Variants in CD163L1 observed in about 807,000 individuals in gnomAD.
CD163L1 encodes the protein scavenger receptor cysteine-rich type 1 protein M160.
A neutral mutation model predicts 165.4 loss-of-function variants in CD163L1; 124 were observed. The observed-to-expected ratio is 0.75, with a 90% CI of 0.65 to 0.87. CD163L1 has a LOEUF of 0.87. CD163L1 is among the 40% of genes least tolerant of loss of function. The pLI is 0.00. For missense variants in CD163L1, 1,525 were observed against 1,799.9 expected, an observed-to-expected ratio of 0.85 and a Z score of 2.76; for synonymous variants, 585 against 662.2, an observed-to-expected ratio of 0.88 and a Z score of 1.79.
intron 4 of CD163L1, among the ~76,000 whole-genome samples, chr12:7,411,707 T>G (rs1361587325): frequency 2.6e-5 from 4 of 152,234 alleles, no homozygotes; most frequent in South Asian, 2.1e-4. Flanking sequence ...ACCACTTTTC[T>G]TTATAAATTA....
At chr12:7,331,993 G>A in the CD163L1 span, among the ~76,000 whole-genome samples, 2 of 152,126 alleles carry the variant, frequency 1.3e-5, no homozygotes, top group South Asian at 2.1e-4. Flanking sequence ...CTGAGCTAAA[G>A]GAGGAAGTTC....
chr12:7,403,556 C>T lies in CD163L1; in HGVS notation c.1387G>A (p.Asp463Asn), dbSNP rs1947953525. Residue 463 changes from aspartate (D) to asparagine (N), a missense_variant, in exon 6 of 20, where the codon GAT becomes AAT. Transcript: ENST00000313599. ...KAKRTCFRRS[D>N]AGVICSDKAD... Reference sequence around the variant, plus strand: ...TTACCAGAACAAATTACTCCAGCATCTGATCTTCGGAAGCATGTTCGCTTT... The same window carrying T: ...TTACCAGAACAAATTACTCCAGCATTTGATCTTCGGAAGCATGTTCGCTTT... 2 of 1,613,274 alleles carry T rather than the reference C, an allele frequency of 1.2e-6. No individual in the cohort carries two copies. The highest frequency in any genetic ancestry group is 1.7e-6 in the Non-Finnish European group (2 of 1,179,580).
chr12:7,322,575 T>TG, the CD163L1 span: 16 of 1,576,548 alleles, frequency 1.0e-5, no homozygotes, highest in Non-Finnish European at 1.4e-5. Flanking sequence ...TTAGTATATG[T>TG]GGGGGCCTTT....
chr12:7,389,266 T>A (rs1428408589), intron 8 of CD163L1, among the ~76,000 whole-genome samples: 1 of 152,238 alleles, frequency 6.6e-6, no homozygotes, highest in East Asian at 1.9e-4. Context: ...CACCAACATT[T>A]GTTATTGCCT....
At chr12:7,373,686 T>G (rs2136424827) in intron 13 of CD163L1, 46 bp from the exon 14 acceptor site, 2 of 1,488,690 alleles carry the variant, frequency 1.3e-6, no homozygotes, top group East Asian at 2.3e-5. Flanking sequence ...CCTTTGGAGT[T>G]GGAAAATCCC....
At position 7,368,109 on chromosome 12, in the gene CD163L1, T is replaced by A. The variant is rs755628141; in HGVS notation, c.4161A>T (p.Lys1387Asn). 1 of 1,609,492 alleles carries A rather than the reference T, an allele frequency of 6.2e-7. No individual in the cohort carries two copies. The highest frequency in any genetic ancestry group is 1.7e-5 in the Admixed American group (1 of 60,012). Residue 1387 changes from lysine to asparagine, a missense_variant, in exon 17 of 20, where the codon AAA (lysine) becomes AAT (asparagine). Lys to Asn is a moderately conservative substitution (Grantham distance 94). Coordinates refer to ENST00000313599, the MANE Select transcript of CD163L1 (RefSeq NM_174941.6). This position sits in a 1 kb window ranked among gnomAD's most constrained non-coding sequence, Gnocchi z 4.3. Reference sequence around the variant, plus strand: ...CACCTCTGAGGGGCAGATGTTTTTGTTTCTGAACTCGGCACCACGTGAGAA... The same window carrying A: ...CACCTCTGAGGGGCAGATGTTTTTGATTCTGAACTCGGCACCACGTGAGAA... ...ILFLTWCRVQ[K>N]QKHLPLRVST...
intron 2 of CD163L1, among the ~76,000 whole-genome samples, chr12:7,440,294 G>C (rs1482899946): frequency 1.3e-5 from 2 of 151,600 alleles, no homozygotes; most frequent in Non-Finnish European, 2.9e-5. Context: ...AGGGCGGACT[G>C]CGCAGTGCCG....
At chr12:7,324,598 G>C in the CD163L1 span, 1 of 1,613,726 alleles carries the variant, frequency 6.2e-7, no homozygotes, top group Non-Finnish European at 8.5e-7. Flanking sequence ...TCCGCGGAGA[G>C]GTAGATGAAT....
intron 4 of CD163L1, among the ~76,000 whole-genome samples, chr12:7,349,646 G>A (rs1333939630): frequency 1.3e-5 from 2 of 152,164 alleles, no homozygotes; most frequent in Non-Finnish European, 2.9e-5. Flanking sequence ...CATGTGGAGC[G>A]AGCGGGCAGA....
chr12:7,410,462 T>G (rs1400360254), intron 4 of CD163L1, among the ~76,000 whole-genome samples: 2 of 151,948 alleles, frequency 1.3e-5, no homozygotes, highest in Admixed American at 1.3e-4. Context: ...AAACATCAGC[T>G]GGGCATGGTG....
chr12:7,380,344 T>TACATGTATGTGTGTATACGCGTATACAC (rs1565784203), intron 8 of CD163L1, among the ~76,000 whole-genome samples: 12 of 141,556 alleles, frequency 8.5e-5, no homozygotes, highest in Non-Finnish European at 1.6e-4. Context: ...CACGTATACA[T>TACATGTATGTGTGTATACGCGTATACAC]ACATGTATGT....
In CD163L1 at chr12:7,380,362, C is replaced by T. The variant is rs59831241; in HGVS notation, c.2051-1064G>A. ...GTATACATACATGTATGTGTGTATACGCGTATACATACATGTATGTGTGTA... is the reference window on the plus strand; with the variant it reads ...GTATACATACATGTATGTGTGTATATGCGTATACATACATGTATGTGTGTA... On this transcript the variant is annotated intron_variant, in intron 8 of 19. Transcript: ENST00000313599. 1.1e-4 allele frequency among the ~76,000 whole-genome samples: 16 copies of T among 146,186 alleles called. 1 individual carries two copies. Among genetic ancestry groups the T allele is most frequent in the Admixed American group, 6.0e-4 (9 of 14,992 alleles).
At chr12:7,378,444 T>C (rs1947316870) in intron 9 of CD163L1, among the ~76,000 whole-genome samples, 1 of 152,212 alleles carries the variant, frequency 6.6e-6, no homozygotes, top group Non-Finnish European at 1.5e-5. Flanking sequence ...TCATTCACTT[T>C]AGAATAAAGT....
rs111793952 is a variant in CD163L1 at position 7,347,692 on chromosome 12, C to T, written c.*25-545G>A. Among the ~76,000 whole-genome samples, 4,566 of 152,064 alleles carry T rather than the reference C, an allele frequency of 0.03. 236 individuals are homozygous for T. The highest frequency in any genetic ancestry group is 0.1 in the African/African-American group (4,323 of 41,458). On this transcript the variant is annotated intron_variant, in intron 4 of 4. Transcript: ENST00000539726. This position sits in a 1 kb window ranked among gnomAD's most constrained non-coding sequence, Gnocchi z 4.2. ...GCTGAGGCAGGAGAATGGCGTGAACCTGGGAGGCGGAGCTTGCAGTGAACC... is the reference window on the plus strand; with the variant it reads ...GCTGAGGCAGGAGAATGGCGTGAACTTGGGAGGCGGAGCTTGCAGTGAACC...
chr12:7,437,291 ATTACTT>A (rs1470770338), intron 2 of CD163L1, among the ~76,000 whole-genome samples: 3 of 6,690 alleles, frequency 4.5e-4, no homozygotes, highest in Non-Finnish European at 2.2e-3. Context: ...TTTTAATAGT[ATTACTT>A]TTATTTTATT....
chr12:7,398,338 A>G lies in CD163L1; in HGVS notation c.1655T>C (p.Ile552Thr). ...CCATCCACTGTGTTCACAGTCCCAG[A>G]TATTTGACTCATTTCCAATGCAAGA... ...DVSCIGNESN[I>T]WDCEHSGWGK... The change falls in exon 7 of 20, where the codon ATC becomes ACC. Residue 552 changes from isoleucine to threonine, a missense_variant. Ile to Thr is a moderately conservative substitution (Grantham distance 89, BLOSUM62 -1). Transcript: ENST00000313599. This position sits in a 1 kb window ranked among gnomAD's most constrained non-coding sequence, Gnocchi z 4.5. 1 of 1,614,178 alleles carries G rather than the reference A, an allele frequency of 6.2e-7. No homozygotes were observed. Among genetic ancestry groups the G allele is most frequent in the Non-Finnish European group, 8.5e-7 (1 of 1,180,026 alleles).
At chr12:7,336,303 A>G in the CD163L1 span, among the ~76,000 whole-genome samples, 1 of 150,508 alleles carries the variant, frequency 6.6e-6, no homozygotes, top group African/African-American at 2.5e-5. Context: ...TGTGGCACAT[A>G]TACACCATGG....
At chr12:7,404,017 A>T in intron 5 of CD163L1, 162 bp from the exon 6 acceptor site, 1 of 521,796 alleles carries the variant, frequency 1.9e-6, no homozygotes, top group Non-Finnish European at 3.2e-6. Flanking sequence ...AATTTTAAAG[A>T]TTGAAATTTT....
At chr12:7,420,112 C>T (rs1948320188) in intron 4 of CD163L1, among the ~76,000 whole-genome samples, 1 of 151,944 alleles carries the variant, frequency 6.6e-6, no homozygotes, top group Non-Finnish European at 1.5e-5. Context: ...GGGGAAAGGA[C>T]ACCCTATTCA....
Sources: gnomAD v4.1 joint callset for allele counts (sites outside exome capture counted in the v4.1 genomes callset) on GRCh38, gnomAD v4.1.1 for gene constraint, Gnocchi (gnomAD v3.1) non-coding constraint, MANE v1.5 for transcripts, NCBI Gene and HGNC (gene_info 2026-07-23, HGNC 2026-07-21) for gene names.